The following PAX6 variants were observed in gnomAD, a reference collection of about 807,000 sequenced individuals.
PAX6 encodes paired box 6, also known as paired box protein Pax-6.
In PAX6, 7 loss-of-function variants were observed where a neutral mutation model predicts 60.7. The observed-to-expected ratio is 0.12, with a 90% CI of 0.07 to 0.22. PAX6 has a LOEUF of 0.22. Among genes scored for constraint, PAX6 ranks in the 10% least tolerant of loss-of-function variants. PAX6 has a pLI of 1.00. For missense variants in PAX6, 355 were observed against 555.2 expected (o/e 0.64, Z 3.62); for synonymous variants, 208 against 201.2 (o/e 1.03, Z -0.29).
intron 7 of PAX6, 96 bp downstream of exon 7, chr11:31,801,465 A>C: frequency 6.3e-7 from 1 of 1,599,148 alleles, no homozygotes; most frequent in Non-Finnish European, 8.5e-7. Flanking sequence ...GAGAGGACAC[A>C]GACTAAGAGA....
rs977672679 is a variant in PAX6 at position 31,810,600 on chromosome 11, G to T, written c.-129+228C>A. The T allele has an allele frequency of 3.8e-5, 13 of 337,800 alleles. No individual in the cohort carries two copies. The East Asian group carries it at 5.8e-4, about 15-fold the overall frequency. The allele number at this position is 337,800 out of a possible 1,614,324, so 20.9% of individuals were successfully genotyped here. A position where few individuals can be genotyped will look rare whatever the true frequency, so the allele number is the denominator to read the frequency against. Reference sequence around the variant, plus strand: ...GGCGCTGGGGCTGAGCTGGCCGCCCGCCCCGAGCCCTGCGCCGCTCCCGCT... The same window carrying T: ...GGCGCTGGGGCTGAGCTGGCCGCCCTCCCCGAGCCCTGCGCCGCTCCCGCT... On this transcript the variant is annotated intron_variant, in intron 2 of 13. Transcript: ENST00000640368.
At chr11:31,800,565 C>T in intron 8 of PAX6, 126 bp downstream of exon 8, 3 of 1,176,668 alleles carry the variant, frequency 2.5e-6, no homozygotes, top group Non-Finnish European at 3.8e-6. Flanking sequence ...CCCAGGCCTT[C>T]AAATGCAGTC....
chr11:31,812,300 C>CTGTGTGTGTGTGTGTGTGTG (rs1202428562), upstream of PAX6: 7 of 110,178 alleles, frequency 6.4e-5, no homozygotes, highest in African/African-American at 2.6e-4. Context: ...CTCTCTCTCT[C>CTGTGTGTGTGTGTGTGTGTG]TCTGTGTGTG....
chr11:31,800,219 C>A (rs1358941221), intron 8 of PAX6, among the ~76,000 whole-genome samples: 1 of 152,042 alleles, frequency 6.6e-6, no homozygotes, highest in Non-Finnish European at 1.5e-5. Flanking sequence ...CCCGACTCGC[C>A]CTGCATCTCC....
Position 31,790,009 on chromosome 11 carries a change from G to A in PAX6, c.1236C>T (p.Ser412=), listed in dbSNP as rs78290542. ...TSGTTSTGLI[S]PGVSVPVQVP... Reference sequence around the variant, plus strand: ...CTTGAACTGGAACTGACACACCAGGGGAAATGAGTCCTAGAAGTGGATGAA... The same window carrying A: ...CTTGAACTGGAACTGACACACCAGGAGAAATGAGTCCTAGAAGTGGATGAA... The change falls in exon 14 of 14, where the codon TCC becomes TCT. Residue 412 remains serine (S), a synonymous_variant. Transcript: ENST00000640368. The A allele has an allele frequency of 1.1e-4, 181 of 1,579,672 alleles. 1 individual carries two copies. In the East Asian group the frequency reaches 3.9e-3, roughly 34 times the overall value.
rs1447006042 is a variant in PAX6 at position 31,801,610 on chromosome 11, C to T, written c.350G>A (p.Arg117Gln). 1.2e-6 allele frequency: 2 copies of T among 1,614,054 alleles called. No individual in the cohort carries two copies. Among genetic ancestry groups the T allele is most frequent in the Non-Finnish European group, 1.7e-6 (2 of 1,180,016 alleles). The change falls in exon 7 of 14, where the codon CGA (arginine) becomes CAA (glutamine). Residue 117 changes from arginine to glutamine, a missense_variant. Physicochemically the swap from Arg to Gln is conservative, Grantham distance 43 (BLOSUM62 1). This residue lies in a region of PAX6 where 143 missense variants were observed against 183.6 expected (regional missense o/e 0.78). Coordinates refer to ENST00000640368, the MANE Select transcript of PAX6 (RefSeq NM_001368894.2). ...GACCCCCTCGGACAGTAATCTGTCT[C>T]GGATTTCCCAAGCAAAGATGGACGG... ...ECPSIFAWEIRDRLLSEGVCT... is the reference protein window; with the variant it reads ...ECPSIFAWEIQDRLLSEGVCT...
At position 31,801,882 on chromosome 11, in the gene PAX6, C is replaced by T. The variant is rs1251038995; in HGVS notation, c.172G>A (p.Asp58Asn). ...AATGACAAGCTTACGTTTTGATTGT[C>T]CAGCACTTGGACTTTTGCATCTGCA... Reference protein sequence around the residue: ...THADAKVQVLDNQNVSNGCVS... With the variant: ...THADAKVQVLNNQNVSNGCVS... Residue 58 changes from aspartate (D) to asparagine (N), a missense_variant, in exon 6 of 14, where the codon GAC becomes AAC. Asp to Asn is a conservative substitution (Grantham distance 23, BLOSUM62 1). Transcript: ENST00000640368. 1.2e-6 allele frequency: 2 copies of T among 1,614,058 alleles called. No individual in the cohort carries two copies.
chr11:31,811,450 A>C (rs941303105), upstream of PAX6: 15 of 381,230 alleles, frequency 3.9e-5, no homozygotes, highest in Non-Finnish European at 7.0e-5. Flanking sequence ...ATATGAATAC[A>C]CTTGTTTTCG....
At chr11:31,800,314 C>CCT (rs1309868674) in intron 8 of PAX6, among the ~76,000 whole-genome samples, 4 of 152,158 alleles carry the variant, frequency 2.6e-5, no homozygotes, top group Non-Finnish European at 4.4e-5. Flanking sequence ...ATTATGTTAA[C>CCT]CTCGCAGTCT....
At chr11:31,798,698 T>C (rs1952492087) in intron 8 of PAX6, among the ~76,000 whole-genome samples, 1 of 152,146 alleles carries the variant, frequency 6.6e-6, no homozygotes, top group Non-Finnish European at 1.5e-5. Flanking sequence ...GACCCAGAAT[T>C]TTCTAGCAAC....
chr11:31,800,645 G>C, intron 8 of PAX6, 46 bp downstream of exon 8: 1 of 1,608,118 alleles, frequency 6.2e-7, no homozygotes, highest in Non-Finnish European at 8.5e-7. Flanking sequence ...GACAGGCAAA[G>C]GGATGCACAT....
At chr11:31,806,605 G>T (rs553723837) in intron 3 of PAX6, 143 bp from the exon 4 acceptor site, 70 of 672,130 alleles carry the variant, frequency 1.0e-4, no homozygotes, top group Non-Finnish European at 1.7e-4. Flanking sequence ...GGCGATCTGA[G>T]GGTCACTCAG....
chr11:31,806,217 G>T, intron 4 of PAX6, 185 bp downstream of exon 4: 7 of 580,146 alleles, frequency 1.2e-5, no homozygotes, highest in Non-Finnish European at 2.1e-5. Context: ...ATCGAGAAGA[G>T]CCAAGCAAAC....
chr11:31,808,968 T>G (rs989203164), intron 2 of PAX6, among the ~76,000 whole-genome samples: 2 of 152,112 alleles, frequency 1.3e-5, no homozygotes, highest in African/African-American at 4.8e-5. Context: ...CTCCAGACAT[T>G]TTGGAGTCGC....
At chr11:31,803,332 A>G (rs1954730029) in intron 4 of PAX6, 1 of 197,964 alleles carries the variant, frequency 5.1e-6, no homozygotes, top group Non-Finnish European at 1.1e-5. Context: ...ACCGCAAACC[A>G]TGGGTTCTAC....
chr11:31,793,456 T>C lies in PAX6; in HGVS notation c.1056A>G (p.Ala352=). The C allele has an allele frequency of 6.2e-7, 1 of 1,614,230 alleles. No homozygotes were observed. The highest frequency in any genetic ancestry group is 8.5e-7 in the Non-Finnish European group (1 of 1,180,032). Residue 352 remains alanine, a synonymous_variant, in exon 12 of 14, where the codon GCA becomes GCG. Coordinates refer to ENST00000640368, the MANE Select transcript of PAX6 (RefSeq NM_001368894.2). ...ALPPMPSFTM[A]NNLPMQPPVP... ...CACTTACTTGCATAGGCAGGTTATT[T>C]GCCATGGTGAAGCTGGGCATAGGCG...
intron 8 of PAX6, among the ~76,000 whole-genome samples, chr11:31,799,201 C>G (rs919513244): frequency 1.3e-5 from 2 of 152,198 alleles, no homozygotes; most frequent in Non-Finnish European, 2.9e-5. Flanking sequence ...TGCCTACACT[C>G]GGTGGGGTCA....
intron 4 of PAX6, chr11:31,804,412 C>G (rs1955091122): frequency 6.6e-6 from 1 of 152,216 alleles, no homozygotes; most frequent in Non-Finnish European, 1.5e-5. Flanking sequence ...GCCGCGTTTT[C>G]AGGGTAGCCG....
chr11:31,794,799 A>G lies in PAX6; in HGVS notation c.566-11T>C, dbSNP rs1163249826. On this transcript the variant is annotated splice_polypyrimidine_tract_variant and intron_variant, in intron 8 of 13. Transcript: ENST00000640368. ...GTTGCTGGCAGCCATCTGGAACAAA[A>G]AGAATAGGATGGTAAGAGAAATTTG... 2 of 1,614,070 alleles carry G rather than the reference A, an allele frequency of 1.2e-6. No individual in the cohort carries two copies. Among genetic ancestry groups the G allele is most frequent in the South Asian group, 1.1e-5 (1 of 91,080 alleles).
Sources: gnomAD v4.1 joint callset for allele counts (sites outside exome capture counted in the v4.1 genomes callset) on GRCh38, gnomAD v4.1.1 for gene constraint, gnomAD v4.1.1 regional missense constraint, MANE v1.5 for transcripts, NCBI Gene and HGNC (gene_info 2026-07-23, HGNC 2026-07-21) for gene names.